The following ARSG variants were observed in gnomAD, a reference collection of about 807,000 sequenced individuals.
ARSG encodes the protein arylsulfatase G.
In ARSG, 37 loss-of-function variants were observed where a neutral mutation model predicts 50.5. The ratio of observed to expected loss-of-function variants is 0.73; its 90% confidence interval spans 0.56 to 0.96. ARSG has a LOEUF of 0.96. ARSG is among the 50% of genes least tolerant of loss of function. The pLI is 0.00. For missense variants in ARSG, 629 were observed against 675.3 expected (o/e 0.93, Z 0.76); for synonymous variants, 225 against 254.6 (o/e 0.88, Z 1.11).
chr17:68,259,841 A>G (rs1167789013), intron 1 of ARSG, among the ~76,000 whole-genome samples: 8 of 152,050 alleles, frequency 5.3e-5, no homozygotes, highest in Non-Finnish European at 1.2e-4. Flanking sequence ...CCAGTACCCA[A>G]CTCTAGTGTA....
rs942649673 is a variant in ARSG at position 68,401,381 on chromosome 17, G to A, written c.1234G>A (p.Gly412Arg). ...TCAGGTGCTGTTCCACCCCAACAGC[G>A]GGGCAGCTGGAGAGTTTGGAGCCCT... is the stretch of plus-strand genomic sequence containing the variant. ...GHRVLFHPNS[G>R]AAGEFGALQT... Residue 412 changes from glycine to arginine, a missense_variant, in exon 11 of 12, where the codon GGG (glycine) becomes AGG (arginine). Transcript: ENST00000621439. 6.8e-6 allele frequency: 11 copies of A among 1,613,832 alleles called. No individual in the cohort carries two copies. Among genetic ancestry groups the A allele is most frequent in the African/African-American group, 2.7e-5 (2 of 74,900 alleles).
chr17:68,270,939 A>C, intron 1 of ARSG: 1 of 1,614,222 alleles, frequency 6.2e-7, no homozygotes, highest in Non-Finnish European at 8.5e-7. Context: ...CATCCTCAGC[A>C]AGCAGTGGAA....
At chr17:68,424,354 C>T, downstream of ARSG, 1 of 496,466 alleles carries the variant, frequency 2.0e-6, no homozygotes, top group Non-Finnish European at 4.2e-6. Flanking sequence ...CATGCAGGGC[C>T]CCACCGCAGC....
chr17:68,384,936 A>G (rs1039908411), intron 8 of ARSG, 128 bp from the exon 9 acceptor site: 10 of 694,112 alleles, frequency 1.4e-5, no homozygotes, highest in Non-Finnish European at 2.2e-5. Flanking sequence ...CTGGTTACCA[A>G]AAAAGTCATT....
chr17:68,346,648 G>C (rs2078517161), intron 3 of ARSG: 3 of 1,079,800 alleles, frequency 2.8e-6, no homozygotes, highest in Non-Finnish European at 3.6e-6. Context: ...AGGTGTCTCG[G>C]TGCTTGAACT....
chr17:68,401,117 AG>A, intron 10 of ARSG: 1 of 487,688 alleles, frequency 2.1e-6, no homozygotes, highest in Non-Finnish European at 3.7e-6. Context: ...TTGACCTCCC[AG>A]GCTCAAACAA....
the ARSG span, chr17:68,428,600 A>G: frequency 2.1e-6 from 1 of 470,602 alleles, no homozygotes; most frequent in East Asian, 4.0e-5. Context: ...TGAGGGGGAG[A>G]CCATCTTGTG....
At chr17:68,281,422 C>G (rs1008013854) in intron 1 of ARSG, among the ~76,000 whole-genome samples, 1 of 151,902 alleles carries the variant, frequency 6.6e-6, no homozygotes, top group East Asian at 1.9e-4. Flanking sequence ...CAAAAATTAG[C>G]TGGGCGTGGT....
chr17:68,351,966 G>T (rs559906684), intron 5 of ARSG, among the ~76,000 whole-genome samples: 4 of 152,216 alleles, frequency 2.6e-5, no homozygotes, highest in Non-Finnish European at 4.4e-5. Context: ...TCTCACACAT[G>T]TGGGGCCTCC....
At chr17:68,408,787 T>G (rs2147320100) in intron 11 of ARSG, among the ~76,000 whole-genome samples, 1 of 151,804 alleles carries the variant, frequency 6.6e-6, no homozygotes, top group East Asian at 1.9e-4. Context: ...CCAGCACTTG[T>G]TGTTTCCTGA....
chr17:68,426,014 G>A (rs978338244), downstream of ARSG: 5 of 1,364,902 alleles, frequency 3.7e-6, no homozygotes, highest in Admixed American at 5.1e-5. Context: ...CTCGTATGAG[G>A]CGAAGGTTTC....
intron 1 of ARSG, among the ~76,000 whole-genome samples, chr17:68,277,430 G>GC (rs2145050171): frequency 6.7e-6 from 1 of 149,782 alleles, no homozygotes; most frequent in Admixed American, 6.7e-5. Flanking sequence ...GCGCCCGGCC[G>GC]CAACTTTTTT....
intron 11 of ARSG, among the ~76,000 whole-genome samples, chr17:68,414,519 A>G (rs114904205): frequency 0.021 from 3,176 of 152,172 alleles, 118 homozygotes; most frequent in African/African-American, 0.072. Context: ...TCCTGGTTGT[A>G]GTATTAGGGT....
intron 1 of ARSG, chr17:68,267,023 C>T (rs1338104919): frequency 2.6e-5 from 4 of 152,032 alleles, no homozygotes; most frequent in Non-Finnish European, 5.9e-5. Flanking sequence ...AGAAGAGAAT[C>T]GGTCTCTTTA....
intron 2 of ARSG, among the ~76,000 whole-genome samples, chr17:68,323,503 C>G (rs7220613): frequency 0.52 from 78,226 of 151,886 alleles, 20,694 homozygotes; most frequent in Middle Eastern, 0.55. Flanking sequence ...TTCCACTTCA[C>G]CTTCCCAAAA....
chr17:68,407,343 G>C (rs537374739), intron 11 of ARSG, among the ~76,000 whole-genome samples: 4 of 152,124 alleles, frequency 2.6e-5, no homozygotes, highest in Admixed American at 6.5e-5. Flanking sequence ...GTCTTGCTTT[G>C]GCTATGCAAG....
At chr17:68,282,591 C>T (rs56255303) in intron 1 of ARSG, among the ~76,000 whole-genome samples, 32,558 of 150,264 alleles carry the variant, frequency 0.22, 3,652 homozygotes, top group Middle Eastern at 0.29. Context: ...TTGAGCCCTG[C>T]AGTTTGAGAA....
At chr17:68,385,728 C>T (rs2080691342) in intron 9 of ARSG, among the ~76,000 whole-genome samples, 1 of 151,692 alleles carries the variant, frequency 6.6e-6, no homozygotes, top group South Asian at 2.1e-4. Context: ...GCGGCAGCAG[C>T]AGCATCTCCC....
intron 10 of ARSG, among the ~76,000 whole-genome samples, chr17:68,395,540 GGC>G (rs1294528847): frequency 6.6e-6 from 1 of 152,152 alleles, no homozygotes; most frequent in Non-Finnish European, 1.5e-5. Context: ...GCCAGCAAGT[GGC>G]TGGTTCAGAC....
Sources: allele counts gnomAD v4.1 joint callset (sites outside exome capture counted in the v4.1 genomes callset), GRCh38; gene constraint gnomAD v4.1.1; transcripts MANE v1.5; gene names NCBI Gene and HGNC (gene_info 2026-07-23, HGNC 2026-07-21).